CDK12: variants seen among roughly 807,000 people sequenced by gnomAD.
CDK12 encodes cyclin dependent kinase 12, also known as cyclin-dependent kinase 12.
In CDK12, 17 loss-of-function variants were observed where a neutral mutation model predicts 133.8. That is an observed-to-expected ratio of 0.13 (90% CI 0.09 to 0.19). The LOEUF (loss-of-function observed/expected upper bound fraction) is 0.19. CDK12 is among the 10% of genes least tolerant of loss of function. The pLI is 1.00. For missense variants in CDK12, 1,508 were observed against 1,818.7 expected, an observed-to-expected ratio of 0.83 and a Z score of 3.11; for synonymous variants, 694 against 683.6, an observed-to-expected ratio of 1.02 and a Z score of -0.24.
At chr17:39,480,010 A>G (rs748501549) in intron 2 of CDK12, among the ~76,000 whole-genome samples, 1 of 147,244 alleles carries the variant, frequency 6.8e-6, no homozygotes, top group Non-Finnish European at 1.5e-5. Context: ...TGCAACCTCC[A>G]CTTCCTGGGT....
intron 3 of CDK12, 50 bp from the exon 4 acceptor site, chr17:39,492,701 G>C (rs112834725): frequency 6.6e-7 from 1 of 1,514,922 alleles, no homozygotes; most frequent in Non-Finnish European, 8.9e-7. Flanking sequence ...GAGCCACCGC[G>C]CCCGGCCTTC....
At chr17:39,539,493 G>T (rs997350382), downstream of CDK12, among the ~76,000 whole-genome samples, 10 of 152,188 alleles carry the variant, frequency 6.6e-5, no homozygotes, top group African/African-American at 2.4e-4. Flanking sequence ...CCTCATGGTT[G>T]TTTGATATAA....
chr17:39,552,032 C>T (rs1192618280), intron 2 of CDK12, among the ~76,000 whole-genome samples: 1 of 152,046 alleles, frequency 6.6e-6, no homozygotes, highest in Non-Finnish European at 1.5e-5. Context: ...CCAAGAGTTG[C>T]CTTCTCTTCC....
chr17:39,557,352 CT>C (rs1396995176), intron 3 of CDK12, among the ~76,000 whole-genome samples: 4 of 152,160 alleles, frequency 2.6e-5, no homozygotes, highest in African/African-American at 9.7e-5. Flanking sequence ...CTGCTTTTTA[CT>C]TTTCCTTCCT....
rs988490441 is a variant in CDK12, at chr17:39,462,154, G to A, written c.83G>A (p.Gly28Asp). ...SGTLQPSSGG[G>D]SSNSRERHRL... ...ACTTTGCAGCCGTCATCGGGAGGCG[G>A]CAGCTCTAACAGCAGAGAGCGTCAC... Residue 28 changes from glycine (G) to aspartate (D), a missense_variant, in exon 1 of 14, where the codon GGC becomes GAC. By Grantham distance (94) the Gly-to-Asp change is moderately conservative. This residue lies in a region of CDK12 where 460 missense variants were observed against 490.8 expected (regional missense o/e 0.94). Transcript: ENST00000447079. 1 of 1,614,108 alleles carries A rather than the reference G, an allele frequency of 6.2e-7. No homozygotes were observed. The highest frequency in any genetic ancestry group is 8.5e-7 in the Non-Finnish European group (1 of 1,180,036).
At chr17:39,548,766 C>T (rs1182903176), upstream of CDK12, among the ~76,000 whole-genome samples, 2 of 152,180 alleles carry the variant, frequency 1.3e-5, no homozygotes, top group Admixed American at 6.5e-5. Flanking sequence ...AGTGTTTCTG[C>T]TAGGGGTGCC....
At chr17:39,490,998 TTTTA>T (rs1398386584) in intron 3 of CDK12, among the ~76,000 whole-genome samples, 3 of 152,048 alleles carry the variant, frequency 2.0e-5, no homozygotes, top group Admixed American at 6.6e-5. Context: ...ATTATGTCTT[TTTTA>T]TTCATAATAT....
chr17:39,488,140 G>C (rs1050319927), intron 2 of CDK12, among the ~76,000 whole-genome samples: 1 of 151,790 alleles, frequency 6.6e-6, no homozygotes, highest in African/African-American at 2.4e-5. Flanking sequence ...AGGCTAAGGT[G>C]AAAGTGTTGC....
intron 1 of CDK12, among the ~76,000 whole-genome samples, chr17:39,541,219 T>G (rs995354724): frequency 6.4e-5 from 9 of 139,900 alleles, no homozygotes; most frequent in Non-Finnish European, 1.6e-5. Flanking sequence ...GTGCTAAGTC[T>G]GGGGGGTGGG....
intron 9 of CDK12, among the ~76,000 whole-genome samples, chr17:39,517,229 T>G (rs1567767829): frequency 6.6e-6 from 1 of 152,166 alleles, no homozygotes; most frequent in Non-Finnish European, 1.5e-5. Flanking sequence ...TCCGAGTATT[T>G]TTTCTTTCCT....
chr17:39,481,629 GCGCGCTCTCTCTCTCTCTCTCTCTCTCT>G (rs1185035175), intron 2 of CDK12, among the ~76,000 whole-genome samples: 9 of 25,026 alleles, frequency 3.6e-4, no homozygotes, highest in African/African-American at 7.9e-4. Flanking sequence ...TTGCTCGCTC[GCGCGCTCTCTCTCTCTCTCTCTCTCTCT>G]CTCTCTCTCT....
chr17:39,500,420 G>T (rs756415111), intron 5 of CDK12, among the ~76,000 whole-genome samples: 1 of 151,906 alleles, frequency 6.6e-6, no homozygotes, highest in Non-Finnish European at 1.5e-5. Flanking sequence ...ATCACCTGAG[G>T]TCAGGAGTTT....
downstream of CDK12, among the ~76,000 whole-genome samples, chr17:39,538,352 C>T (rs534818876): frequency 1.4e-4 from 21 of 152,214 alleles, no homozygotes; most frequent in Admixed American, 2.6e-4. Context: ...GAAGAACAAA[C>T]GAGAATATGC....
chr17:39,516,362 G>A (rs1171482085), intron 9 of CDK12, among the ~76,000 whole-genome samples: 1 of 151,332 alleles, frequency 6.6e-6, no homozygotes, highest in Admixed American at 6.6e-5. Flanking sequence ...AATGTTTTTT[G>A]TATTTTTTTT....
chr17:39,529,937 TTAAAATTACTG>T (rs2054725222), intron 13 of CDK12: 1 of 152,172 alleles, frequency 6.6e-6, no homozygotes, highest in African/African-American at 2.4e-5. Context: ...AAATTAGTCT[TTAAAATTACTG>T]TAACATAGGA....
At chr17:39,538,640 T>C (rs2055254177), downstream of CDK12, among the ~76,000 whole-genome samples, 1 of 152,194 alleles carries the variant, frequency 6.6e-6, no homozygotes, top group South Asian at 2.1e-4. Context: ...GGCTCACGCC[T>C]GTAATCCCAG....
rs2048986208 is a variant in CDK12 at position 39,461,932 on chromosome 17, C to T, written c.-140C>T. ...TGAGGCGTCGGGAGGGAGGAGGAGC[C>T]TGGGCTACCGTCCCTGCCCTCCCCA... On this transcript the variant is annotated 5_prime_UTR_variant, in exon 1 of 14. Coordinates refer to ENST00000447079, the MANE Select transcript of CDK12 (RefSeq NM_016507.4). The T allele has an allele frequency of 3.3e-6, 2 of 597,284 alleles. No individual in the cohort carries two copies. The highest frequency in any genetic ancestry group is 5.8e-6 in the Non-Finnish European group (2 of 347,172). 37.0% of individuals were successfully genotyped at this position (597,284 alleles called of 1,614,324 possible).
At position 39,471,466 on chromosome 17, in the gene CDK12, C is replaced by A. The variant is rs1304924006; in HGVS notation, c.1634C>A (p.Pro545Gln). ...PPPPLPTTTP[P>Q]PQTPPLPPLP... is the part of the protein sequence containing the mutation. Reference sequence around the variant, plus strand: ...CCCCCTCTACCAACTACTACCCCTCCACCTCAGACACCCCCTTTGCCACCT... The same window carrying A: ...CCCCCTCTACCAACTACTACCCCTCAACCTCAGACACCCCCTTTGCCACCT... Residue 545 changes from proline to glutamine, a missense_variant, in exon 2 of 14, where the codon CCA becomes CAA. By Grantham distance (76) the Pro-to-Gln change is moderately conservative. Coordinates refer to ENST00000447079, the MANE Select transcript of CDK12 (RefSeq NM_016507.4). 1 of 1,613,706 alleles carries A rather than the reference C, an allele frequency of 6.2e-7. No homozygotes were observed. The highest frequency in any genetic ancestry group is 8.5e-7 in the Non-Finnish European group (1 of 1,179,834).
At chr17:39,511,047 C>T (rs1413391584) in intron 7 of CDK12, among the ~76,000 whole-genome samples, 1 of 149,064 alleles carries the variant, frequency 6.7e-6, no homozygotes, top group East Asian at 2.1e-4. Context: ...AACTCTGTCT[C>T]TACTAAAAAT....
Sources: allele counts gnomAD v4.1 joint callset (sites outside exome capture counted in the v4.1 genomes callset), GRCh38; gene constraint gnomAD v4.1.1; regional missense constraint gnomAD v4.1.1; transcripts MANE v1.5; gene names NCBI Gene and HGNC (gene_info 2026-07-23, HGNC 2026-07-21).